EPHA6: variants seen among roughly 807,000 people sequenced by gnomAD.
The protein encoded by EPHA6 is EPH receptor A6.
Under a neutral mutation model 112.0 loss-of-function variants are expected in EPHA6, and 50 were observed. That is an observed-to-expected ratio of 0.45 (90% CI 0.36 to 0.56). EPHA6 has a LOEUF of 0.56. EPHA6 is among the 20% of genes least tolerant of loss of function. The pLI, the probability that EPHA6 is intolerant of heterozygous loss-of-function variation, is 0.00. For synonymous variants in EPHA6, 529 were observed against 490.7 expected (o/e 1.08, Z -1.03); for missense variants, 1,280 against 1,417.4 (o/e 0.90, Z 1.56).
intron 2 of EPHA6, among the ~76,000 whole-genome samples, chr3:96,868,324 T>C (rs376628629): frequency 5.5e-4 from 83 of 151,902 alleles, no homozygotes; most frequent in African/African-American, 2.0e-3. Context: ...CTGGTACTAA[T>C]GGAGCTTTAC....
At chr3:97,200,258 C>T (rs565628767) in intron 3 of EPHA6, among the ~76,000 whole-genome samples, 5 of 152,176 alleles carry the variant, frequency 3.3e-5, no homozygotes, top group South Asian at 2.1e-4. Flanking sequence ...CAGTTGCCCT[C>T]CAGGCTCCTT....
At chr3:97,061,465 A>T (rs193203003) in intron 3 of EPHA6, among the ~76,000 whole-genome samples, 1 of 152,202 alleles carries the variant, frequency 6.6e-6, no homozygotes, top group African/African-American at 2.4e-5. Flanking sequence ...CCTCAAGTAG[A>T]TGTTGATCAG....
At chr3:97,094,735 C>T (rs1180787755) in intron 3 of EPHA6, among the ~76,000 whole-genome samples, 2 of 152,046 alleles carry the variant, frequency 1.3e-5, no homozygotes, top group Non-Finnish European at 2.9e-5. Context: ...ATTATTTTAG[C>T]CTTCACATTT....
intron 2 of EPHA6, among the ~76,000 whole-genome samples, chr3:96,977,341 A>G (rs528493654): frequency 7.9e-5 from 12 of 152,298 alleles, no homozygotes; most frequent in African/African-American, 2.9e-4. Flanking sequence ...TACACTGTGG[A>G]ATGATAGACA....
intron 6 of EPHA6, among the ~76,000 whole-genome samples, chr3:97,406,712 T>C (rs991848875): frequency 2.6e-5 from 4 of 152,138 alleles, no homozygotes; most frequent in Middle Eastern, 3.2e-3. Context: ...ATGTAGTCAA[T>C]AAAAACTGTC....
At chr3:96,863,468 G>A (rs1031447598) in intron 1 of EPHA6, among the ~76,000 whole-genome samples, 2 of 151,628 alleles carry the variant, frequency 1.3e-5, no homozygotes, top group African/African-American at 4.8e-5. Context: ...TTTTAATATT[G>A]AAATATAATT....
At chr3:97,043,289 T>C (rs916176204) in intron 3 of EPHA6, among the ~76,000 whole-genome samples, 3 of 152,034 alleles carry the variant, frequency 2.0e-5, no homozygotes, top group African/African-American at 7.2e-5. Flanking sequence ...AACTCTCCCT[T>C]GATAGGGACA....
intron 3 of EPHA6, among the ~76,000 whole-genome samples, chr3:97,187,729 GAA>G (rs1284913061): frequency 3.4e-5 from 5 of 147,936 alleles, no homozygotes; most frequent in African/African-American, 1.3e-4. Context: ...AAGAAAGAAA[GAA>G]AGAAAGAAAG....
At chr3:97,567,724 C>G (rs1468589561) in intron 11 of EPHA6, among the ~76,000 whole-genome samples, 1 of 152,136 alleles carries the variant, frequency 6.6e-6, no homozygotes, top group Non-Finnish European at 1.5e-5. Context: ...CTAAGGACTA[C>G]CTCTTACCCA....
At chr3:97,000,287 A>ATATATAGC (rs1553685583) in intron 3 of EPHA6, among the ~76,000 whole-genome samples, 1 of 147,102 alleles carries the variant, frequency 6.8e-6, no homozygotes, top group African/African-American at 2.6e-5. Flanking sequence ...ACACACACAC[A>ATATATAGC]CACACATATA....
intron 1 of EPHA6, among the ~76,000 whole-genome samples, chr3:96,844,965 T>C (rs1474695595): frequency 6.6e-6 from 1 of 151,984 alleles, no homozygotes; most frequent in Non-Finnish European, 1.5e-5. Context: ...AGACCAAGTT[T>C]GAACATGTGT....
At position 97,759,223 on chromosome 3, in the gene EPHA6, T is replaced by C. The variant is rs1156386163; in HGVS notation, c.*10522T>C. On this transcript the variant is annotated 3_prime_UTR_variant, in exon 18 of 18. Coordinates refer to ENST00000389672, the MANE Select transcript of EPHA6 (RefSeq NM_001080448.3). ...TCCATGGGAATTAGCAACATGGAAG[T>C]TGTTGTTGTTGATGACCTTCACAAG... 1.3e-5 allele frequency among the ~76,000 whole-genome samples: 2 copies of C among 152,082 alleles called. No individual in the cohort carries two copies. Among genetic ancestry groups the C allele is most frequent in the Admixed American group, 6.5e-5 (1 of 15,286 alleles).
At chr3:97,561,833 A>T (rs1346724691) in intron 11 of EPHA6, among the ~76,000 whole-genome samples, 6 of 152,122 alleles carry the variant, frequency 3.9e-5, no homozygotes, top group Non-Finnish European at 7.4e-5. Context: ...GTAGGGGCTA[A>T]TGCAGCTGGT....
intron 14 of EPHA6, among the ~76,000 whole-genome samples, chr3:97,673,372 T>C (rs1014781031): frequency 2.6e-5 from 4 of 152,166 alleles, no homozygotes; most frequent in Admixed American, 2.0e-4. Flanking sequence ...CCTGACATAA[T>C]ACAGATGAGA....
chr3:97,687,635 C>G (rs894216639), intron 14 of EPHA6, among the ~76,000 whole-genome samples: 1 of 152,120 alleles, frequency 6.6e-6, no homozygotes, highest in Non-Finnish European at 1.5e-5. Context: ...CCAACAGATG[C>G]TATATAATTT....
intron 3 of EPHA6, among the ~76,000 whole-genome samples, chr3:97,060,843 G>C (rs1344280765): frequency 2.8e-5 from 4 of 142,984 alleles, no homozygotes; most frequent in Admixed American, 7.3e-5. Context: ...AGAATGGCGT[G>C]AACCCGGGAG....
intron 3 of EPHA6, among the ~76,000 whole-genome samples, chr3:97,123,534 C>G (rs986045478): frequency 6.6e-6 from 1 of 151,926 alleles, no homozygotes; most frequent in Non-Finnish European, 1.5e-5. Context: ...ATGTGTGGGT[C>G]CTGGAAATGT....
At chr3:97,040,375 T>A (rs1473447242) in intron 3 of EPHA6, among the ~76,000 whole-genome samples, 1 of 152,040 alleles carries the variant, frequency 6.6e-6, no homozygotes, top group East Asian at 1.9e-4. Context: ...ATATAGATCA[T>A]GTTTCATAAC....
intron 5 of EPHA6, among the ~76,000 whole-genome samples, chr3:97,320,175 A>T (rs999940220): frequency 1.3e-5 from 2 of 152,064 alleles, no homozygotes; most frequent in African/African-American, 2.4e-5. Flanking sequence ...TTTTAGCCAG[A>T]GAACACAGAA....
Sources: allele counts gnomAD v4.1 joint callset (sites outside exome capture counted in the v4.1 genomes callset), GRCh38; gene constraint gnomAD v4.1.1; transcripts MANE v1.5; gene names NCBI Gene and HGNC (gene_info 2026-07-23, HGNC 2026-07-21).